Variants in NSUN7 observed in about 807,000 individuals in gnomAD.
NSUN7 encodes the protein protein NSUN7.
Under a neutral mutation model 58.5 loss-of-function variants are expected in NSUN7, and 39 were observed. The observed-to-expected ratio is 0.67, with a 90% CI of 0.52 to 0.87. NSUN7 has a LOEUF of 0.87. Ranked by LOEUF, NSUN7 falls within the 40% of genes least tolerant of loss-of-function variation. The pLI, the probability that NSUN7 is intolerant of heterozygous loss-of-function variation, is 0.00. For synonymous variants in NSUN7, 278 were observed against 303.7 expected, an observed-to-expected ratio of 0.92 and a Z score of 0.88; for missense variants, 765 against 844.1, an observed-to-expected ratio of 0.91 and a Z score of 1.16.
intron 7 of NSUN7, among the ~76,000 whole-genome samples, chr4:40,788,083 T>C (rs2154288475): frequency 6.6e-6 from 1 of 152,328 alleles, no homozygotes; most frequent in East Asian, 1.9e-4. Flanking sequence ...TCCGCCCACC[T>C]CGGCCTCCCA....
At chr4:40,779,379 G>A (rs986619708) in intron 7 of NSUN7, among the ~76,000 whole-genome samples, 2 of 152,102 alleles carry the variant, frequency 1.3e-5, no homozygotes, top group African/African-American at 2.4e-5. Flanking sequence ...CGAGGCTGGC[G>A]GATCACAAGG....
At chr4:40,760,730 A>G (rs2437325) in intron 3 of NSUN7, among the ~76,000 whole-genome samples, 55,672 of 151,650 alleles carry the variant, frequency 0.37, 10,740 homozygotes, top group Admixed American at 0.5. Context: ...GTGTGGTGGC[A>G]CATGCCTGTA....
rs1560544741 is a variant in NSUN7, at chr4:40,757,340, G to C, written c.299-3094G>C. 2.0e-5 allele frequency among the ~76,000 whole-genome samples: 3 copies of C among 151,986 alleles called. No individual in the cohort carries two copies. The South Asian group carries it at 6.2e-4, about 31-fold the overall frequency. ...TTTGCCCAACTACAGGCTTATGTAAGTGTTCCGAATGTGTTTAAGATAGCC... is the reference window on the plus strand; with the variant it reads ...TTTGCCCAACTACAGGCTTATGTAACTGTTCCGAATGTGTTTAAGATAGCC... On this transcript the variant is annotated intron_variant, in intron 2 of 11. Transcript: ENST00000381782.
chr4:40,783,846 T>TAA (rs1324132904), intron 7 of NSUN7, among the ~76,000 whole-genome samples: 1 of 142,406 alleles, frequency 7.0e-6, no homozygotes, highest in Non-Finnish European at 1.5e-5. Flanking sequence ...AGAATCCATT[T>TAA]AAAAAAAAAA....
chr4:40,808,949 G>A lies in NSUN7; in HGVS notation c.*10G>A. ...TCGGCGATGGCTTTGATTGTCTTGT[G>A]TTTTTTATAGGGGCCAAAGAGCAGT... is the stretch of plus-strand genomic sequence containing the variant. On this transcript the variant is annotated 3_prime_UTR_variant, in exon 12 of 12. Coordinates refer to ENST00000381782, the MANE Select transcript of NSUN7 (RefSeq NM_024677.6). 6.7e-7 allele frequency: 1 copy of A among 1,501,062 alleles called. No homozygotes were observed. The highest frequency in any genetic ancestry group is 2.3e-5 in the Admixed American group (1 of 44,316). The allele number at this position is 1,501,062 out of a possible 1,614,324, so 93.0% of individuals were successfully genotyped here.
chr4:40,802,778 C>CTATTCT (rs1332234170), intron 10 of NSUN7, among the ~76,000 whole-genome samples: 7 of 136,006 alleles, frequency 5.1e-5, no homozygotes, highest in African/African-American at 1.9e-4. Flanking sequence ...GTACTGCATT[C>CTATTCT]TATTCTTTTT....
rs929599565 is a variant in NSUN7 at position 40,810,878 on chromosome 4, T to TAAAG, written c.*1942_*1945dup. 1.1e-4 allele frequency: 16 copies of TAAAG among 152,210 alleles called. No individual in the cohort carries two copies. Among genetic ancestry groups the TAAAG allele is most frequent in the African/African-American group, 3.6e-4 (15 of 41,450 alleles). 9.4% of individuals were successfully genotyped at this position (152,210 alleles called of 1,614,324 possible). A position where few individuals can be genotyped will look rare whatever the true frequency, so the allele number is the denominator to read the frequency against. Reference sequence around the variant, plus strand: ...CAGCTTAATTTAACATATTGTTCAGTAAAGAATCCCATTGTGTATCATAAG... The same window carrying TAAAG: ...CAGCTTAATTTAACATATTGTTCAGTAAAGAAAGAATCCCATTGTGTATCATAAG... On this transcript the variant is annotated 3_prime_UTR_variant, in exon 12 of 12. Transcript: ENST00000381782.
rs1425372544 is a variant in NSUN7 at position 40,760,376 on chromosome 4, C to T, written c.299-58C>T. 11 of 1,286,248 alleles carry T rather than the reference C, an allele frequency of 8.6e-6. No homozygotes were observed. In the South Asian group the frequency reaches 1.1e-4, roughly 13 times the overall value. 79.7% of individuals were successfully genotyped at this position (1,286,248 alleles called of 1,614,324 possible). A position where few individuals can be genotyped will look rare whatever the true frequency, so the allele number is the denominator to read the frequency against. On this transcript the variant is annotated intron_variant, in intron 2 of 11. Transcript: ENST00000381782. ...GCATTATTACAGTGTATTTTGATTC[C>T]AGAGTTTTCATTTTCCGCTTTGTAT...
At chr4:40,755,747 T>C (rs1741111378) in intron 2 of NSUN7, among the ~76,000 whole-genome samples, 1 of 152,254 alleles carries the variant, frequency 6.6e-6, no homozygotes, top group Admixed American at 6.5e-5. Context: ...AAAGCTGTTA[T>C]ACTCATGGTT....
intron 10 of NSUN7, among the ~76,000 whole-genome samples, chr4:40,802,631 A>ATGTTTGTT (rs71648925): frequency 6.6e-6 from 1 of 151,392 alleles, no homozygotes; most frequent in Non-Finnish European, 1.5e-5. Context: ...ATGGATGTGT[A>ATGTTTGTT]TGTTTGTTTG....
intron 10 of NSUN7, among the ~76,000 whole-genome samples, chr4:40,800,955 T>C (rs1314889050): frequency 6.6e-6 from 1 of 151,824 alleles, no homozygotes; most frequent in African/African-American, 2.4e-5. Context: ...GTGATTTTCT[T>C]CTAAATTTGA....
chr4:40,776,937 T>G (rs547808958), intron 7 of NSUN7, among the ~76,000 whole-genome samples: 11 of 152,340 alleles, frequency 7.2e-5, no homozygotes, highest in African/African-American at 2.6e-4. Flanking sequence ...TCTTTTAGGC[T>G]TCTTGTTTTT....
intron 4 of NSUN7, among the ~76,000 whole-genome samples, chr4:40,762,037 A>G (rs140034994): frequency 1.8e-3 from 276 of 152,300 alleles, no homozygotes; most frequent in Middle Eastern, 0.014. Context: ...ACCCTCATGA[A>G]TAGATTAATG....
At chr4:40,788,447 A>G (rs73810654) in intron 7 of NSUN7, among the ~76,000 whole-genome samples, 2,543 of 152,232 alleles carry the variant, frequency 0.017, 71 homozygotes, top group African/African-American at 0.058. Flanking sequence ...GCCACAGAGA[A>G]GTAGGAGAAG....
rs761083426 is a variant in NSUN7 at position 40,760,454 on chromosome 4, A to G, written c.319A>G (p.Ile107Val). 9.3e-6 allele frequency: 15 copies of G among 1,610,374 alleles called. No homozygotes were observed. The highest frequency in any genetic ancestry group is 8.9e-5 in the East Asian group (4 of 44,766). ...ALKYQDILET[I>V]LIDSCIFPST... is the part of the protein sequence containing the mutation. ...TGCAGATCAAGATATTTTGGAAACT[A>G]TATTGATAGACAGCTGTATCTTCCC... The change falls in exon 3 of 12, where the codon ATA becomes GTA. Residue 107 changes from isoleucine to valine, a missense_variant. Ile to Val is a conservative substitution (Grantham distance 29). Coordinates refer to ENST00000381782, the MANE Select transcript of NSUN7 (RefSeq NM_024677.6).
intron 10 of NSUN7, among the ~76,000 whole-genome samples, chr4:40,802,548 G>A (rs1743630529): frequency 1.3e-5 from 2 of 152,120 alleles, no homozygotes; most frequent in Admixed American, 1.3e-4. Flanking sequence ...GCAAGTAGGA[G>A]TAAGCCCAGA....
At chr4:40,806,431 A>G (rs1743809869) in intron 10 of NSUN7, among the ~76,000 whole-genome samples, 1 of 152,206 alleles carries the variant, frequency 6.6e-6, no homozygotes, top group Admixed American at 6.5e-5. Flanking sequence ...ATGATGAACC[A>G]CTTACTAAGA....
chr4:40,761,386 G>A, intron 4 of NSUN7, 85 bp downstream of exon 4: 1 of 1,069,780 alleles, frequency 9.3e-7, no homozygotes. Flanking sequence ...ATAATGTGTA[G>A]ATAAGAGTTA....
chr4:40,759,046 A>C (rs1454982626), intron 2 of NSUN7, among the ~76,000 whole-genome samples: 1 of 152,160 alleles, frequency 6.6e-6, no homozygotes, highest in East Asian at 1.9e-4. Flanking sequence ...ACGGTGGCTC[A>C]CGCCTCTAAT....
Sources: gnomAD v4.1 joint callset for allele counts (sites outside exome capture counted in the v4.1 genomes callset) on GRCh38, gnomAD v4.1.1 for gene constraint, MANE v1.5 for transcripts, NCBI Gene and HGNC (gene_info 2026-07-23, HGNC 2026-07-21) for gene names.